Variants in AKAP19 observed in about 807,000 individuals in gnomAD.
The protein encoded by AKAP19 is A-kinase anchoring protein 19.
the AKAP19 span, among the ~76,000 whole-genome samples, chr2:190,197,637 A>G: frequency 7.9e-5 from 12 of 152,202 alleles, no homozygotes; most frequent in Non-Finnish European, 1.8e-4. The surrounding 1 kb of genome is among the most constrained non-coding windows in gnomAD (Gnocchi z 4.0). Flanking sequence ...GTAGAATCCC[A>G]CAATGACCAT....
chr2:190,058,762 C>T, the AKAP19 span, among the ~76,000 whole-genome samples: 3 of 151,964 alleles, frequency 2.0e-5, no homozygotes, highest in Non-Finnish European at 4.4e-5. Flanking sequence ...AAATACCATA[C>T]GTTCTTACTT....
chr2:190,039,000 C>T, the AKAP19 span, among the ~76,000 whole-genome samples: 2 of 117,540 alleles, frequency 1.7e-5, no homozygotes, highest in African/African-American at 9.5e-5. Context: ...TCTTTCTTCT[C>T]TTCTTCTTCC....
the AKAP19 span, among the ~76,000 whole-genome samples, chr2:189,948,707 G>A: frequency 6.6e-6 from 1 of 152,186 alleles, no homozygotes; most frequent in African/African-American, 2.4e-5. Context: ...TTTTATGTCA[G>A]ACATACATAA....
chr2:189,923,907 A>G, the AKAP19 span: 2 of 1,611,572 alleles, frequency 1.2e-6, no homozygotes, highest in Middle Eastern at 3.4e-4. Flanking sequence ...ACCCAGATAA[A>G]ACAAAAAGTG....
the AKAP19 span, among the ~76,000 whole-genome samples, chr2:189,901,698 G>A: frequency 6.6e-6 from 1 of 152,198 alleles, no homozygotes; most frequent in South Asian, 2.1e-4. Flanking sequence ...GAAGGAACAT[G>A]GGTATTTACC....
At chr2:190,127,299 G>C in the AKAP19 span, among the ~76,000 whole-genome samples, 1 of 151,844 alleles carries the variant, frequency 6.6e-6, no homozygotes, top group Non-Finnish European at 1.5e-5. Flanking sequence ...ATCGGTGAAT[G>C]GTGTCCTGAC....
At chr2:190,198,287 C>T in the AKAP19 span, among the ~76,000 whole-genome samples, 1 of 152,140 alleles carries the variant, frequency 6.6e-6, no homozygotes, top group East Asian at 1.9e-4. Flanking sequence ...CTCCTCTGGA[C>T]ATCCTTAATT....
the AKAP19 span, among the ~76,000 whole-genome samples, chr2:190,135,543 A>G: frequency 2.0e-5 from 3 of 152,266 alleles, no homozygotes; most frequent in Non-Finnish European, 2.9e-5. Context: ...AAATTTTAAA[A>G]CTGGAAGGAA....
the AKAP19 span, among the ~76,000 whole-genome samples, chr2:190,166,259 T>C: frequency 2.0e-5 from 3 of 148,278 alleles, no homozygotes; most frequent in Non-Finnish European, 1.5e-5. Flanking sequence ...ATTTCCAAAA[T>C]TGACCCAGCA....
At chr2:189,919,620 T>G in the AKAP19 span, among the ~76,000 whole-genome samples, 1 of 152,154 alleles carries the variant, frequency 6.6e-6, no homozygotes, top group Non-Finnish European at 1.5e-5. Flanking sequence ...CAGCTCCCAC[T>G]TATGAGTAAG....
chr2:190,112,158 A>C, the AKAP19 span, among the ~76,000 whole-genome samples: 2 of 152,226 alleles, frequency 1.3e-5, no homozygotes, highest in African/African-American at 4.8e-5. Context: ...ATTTATAAAA[A>C]ACTATTTTCT....
the AKAP19 span, among the ~76,000 whole-genome samples, chr2:190,063,239 T>C: frequency 1.3e-5 from 2 of 152,130 alleles, no homozygotes; most frequent in African/African-American, 4.8e-5. Flanking sequence ...ATTATGATAC[T>C]AGTTGAGAAT....
At chr2:190,028,485 T>A in the AKAP19 span, among the ~76,000 whole-genome samples, 1 of 152,180 alleles carries the variant, frequency 6.6e-6, no homozygotes, top group Non-Finnish European at 1.5e-5. Flanking sequence ...TCACTGAATT[T>A]TGGTAAGATC....
chr2:189,925,667 C>T, the AKAP19 span, among the ~76,000 whole-genome samples: 25,127 of 151,746 alleles, frequency 0.17, 3,119 homozygotes, highest in African/African-American at 0.34. Context: ...ACATGTTTTC[C>T]GAAGCCAGGA....
At chr2:190,002,065 C>A in the AKAP19 span, among the ~76,000 whole-genome samples, 1 of 152,192 alleles carries the variant, frequency 6.6e-6, no homozygotes, top group African/African-American at 2.4e-5. Context: ...TCCTGCCCAT[C>A]CAGCAGAGCC....
the AKAP19 span, among the ~76,000 whole-genome samples, chr2:190,074,043 GA>G: frequency 0.1 from 11,816 of 117,986 alleles, 1,499 homozygotes; most frequent in African/African-American, 0.31. Flanking sequence ...TTCCGTCTCA[GA>G]AAAAAAAAAA....
At chr2:189,954,561 T>G in the AKAP19 span, among the ~76,000 whole-genome samples, 1 of 152,248 alleles carries the variant, frequency 6.6e-6, no homozygotes, top group African/African-American at 2.4e-5. Flanking sequence ...AAGGTCTGAC[T>G]GTAAAAATTC....
chr2:189,922,746 G>C, the AKAP19 span, among the ~76,000 whole-genome samples: 1 of 152,126 alleles, frequency 6.6e-6, no homozygotes, highest in South Asian at 2.1e-4. Flanking sequence ...CTTTTTATTG[G>C]TAATTTTAAA....
chr2:190,133,099 G>A, the AKAP19 span, among the ~76,000 whole-genome samples: 133 of 151,886 alleles, frequency 8.8e-4, no homozygotes, highest in Non-Finnish European at 1.4e-3. Flanking sequence ...TTAGCCGGGC[G>A]TGGTGGCGGG....
Sources: gnomAD v4.1 joint callset for allele counts (sites outside exome capture counted in the v4.1 genomes callset) on GRCh38, gnomAD v4.1.1 for gene constraint, Gnocchi (gnomAD v3.1) non-coding constraint, MANE v1.5 for transcripts, NCBI Gene and HGNC (gene_info 2026-07-23, HGNC 2026-07-21) for gene names.